The following ZNF221 variants were observed in gnomAD, a reference collection of about 807,000 sequenced individuals.
The protein encoded by ZNF221 is zinc finger protein 221.
In ZNF221, 10 loss-of-function variants were observed where a neutral mutation model predicts 12.6. The observed-to-expected ratio is 0.79, with a 90% CI of 0.49 to 1.34. The LOEUF (loss-of-function observed/expected upper bound fraction) is 1.34, where lower values mean the gene tolerates loss of function less well. Among genes scored for constraint, ZNF221 ranks in the 40% most tolerant of loss-of-function variants. The pLI is 0.00. For missense variants in ZNF221, 661 were observed against 721.4 expected (o/e 0.92, Z 0.96); for synonymous variants, 232 against 244.0 (o/e 0.95, Z 0.46).
downstream of ZNF221, among the ~76,000 whole-genome samples, chr19:43,972,183 G>A (rs1183992760): frequency 6.6e-6 from 1 of 151,902 alleles, no homozygotes; most frequent in African/African-American, 2.4e-5. Context: ...ATGACTCCTG[G>A]GTAAATACTG....
intron 1 of ZNF221, among the ~76,000 whole-genome samples, chr19:43,953,257 C>CTTTTTTTTTTTTTTTTTT (rs60450738): frequency 7.0e-6 from 1 of 142,298 alleles, no homozygotes; most frequent in Non-Finnish European, 1.6e-5. Flanking sequence ...AGTCATTAAG[C>CTTTTTTTTTTTTTTTTTT]TTTTTTTTTT....
intron 4 of ZNF221, 101 bp downstream of exon 4, chr19:43,965,426 C>T: frequency 1.1e-6 from 1 of 937,880 alleles, no homozygotes; most frequent in Non-Finnish European, 1.5e-6. Context: ...TGCCAAACTT[C>T]TTTCATAACT....
chr19:43,956,335 A>G (rs1235887855), intron 1 of ZNF221, among the ~76,000 whole-genome samples: 1 of 152,236 alleles, frequency 6.6e-6, no homozygotes, highest in African/African-American at 2.4e-5. Flanking sequence ...TTCCCTAGTC[A>G]GATACAATGT....
rs1273978751 is a variant in ZNF221, at chr19:43,966,868, G to A, written c.1366G>A (p.Gly456Ser). Residue 456 changes from glycine to serine, a missense_variant, in exon 5 of 5, where the codon GGT becomes AGT. Gly to Ser is a moderately conservative substitution (Grantham distance 56, BLOSUM62 0). Transcript: ENST00000587682. Reference protein sequence around the residue: ...GEKPYNCEECGKDYKRRLDLE... With the variant: ...GEKPYNCEECSKDYKRRLDLE... ...AAAGCCATATAACTGTGAGGAGTGT[G>A]GTAAGGACTATAAAAGGAGGTTGGA... 6.2e-7 allele frequency: 1 copy of A among 1,614,194 alleles called. No homozygotes were observed. The highest frequency in any genetic ancestry group is 8.5e-7 in the Non-Finnish European group (1 of 1,180,040).
chr19:43,953,261 T>A (rs1461761582), intron 1 of ZNF221, among the ~76,000 whole-genome samples: 4 of 151,814 alleles, frequency 2.6e-5, no homozygotes, highest in Non-Finnish European at 5.9e-5. Context: ...ATTAAGCTTT[T>A]TTTTTTTTTT....
the ZNF221 span, among the ~76,000 whole-genome samples, chr19:43,977,894 G>T: frequency 1.3e-5 from 2 of 152,172 alleles, no homozygotes; most frequent in African/African-American, 4.8e-5. Context: ...TAAAATAACT[G>T]AGACTATAGT....
intron 1 of ZNF221, among the ~76,000 whole-genome samples, 171 bp downstream of exon 1, chr19:43,951,571 G>A (rs1267300268): frequency 6.6e-6 from 1 of 152,162 alleles, no homozygotes; most frequent in Non-Finnish European, 1.5e-5. Context: ...GCGCGGGGCC[G>A]ATTCCCCCGG....
the ZNF221 span, among the ~76,000 whole-genome samples, chr19:43,978,933 G>A: frequency 7.0e-6 from 1 of 141,940 alleles, no homozygotes; most frequent in African/African-American, 2.7e-5. Context: ...GTGTGTGTGT[G>A]TTTTTTTTTT....
At chr19:43,964,163 A>G (rs1336063459) in intron 2 of ZNF221, among the ~76,000 whole-genome samples, 1 of 152,198 alleles carries the variant, frequency 6.6e-6, no homozygotes, top group African/African-American at 2.4e-5. Flanking sequence ...AATAAATAAC[A>G]ATAATGACAG....
chr19:43,981,545 A>G, the ZNF221 span, among the ~76,000 whole-genome samples: 4 of 152,350 alleles, frequency 2.6e-5, no homozygotes, highest in African/African-American at 7.2e-5. Flanking sequence ...CATAAATTGC[A>G]GCACTGTTAT....
chr19:43,953,632 T>G (rs1974709826), intron 1 of ZNF221, among the ~76,000 whole-genome samples: 1 of 152,180 alleles, frequency 6.6e-6, no homozygotes. Context: ...ACCTAGGGGT[T>G]GCCAGCCATC....
intron 1 of ZNF221, among the ~76,000 whole-genome samples, chr19:43,959,690 C>T (rs1015483393): frequency 1.3e-5 from 2 of 152,178 alleles, no homozygotes; most frequent in African/African-American, 4.8e-5. Context: ...GTGAAAGCTC[C>T]CTGAGGCCTC....
At chr19:43,978,933 GTTTTTTTT>G in the ZNF221 span, among the ~76,000 whole-genome samples, 5 of 141,950 alleles carry the variant, frequency 3.5e-5, no homozygotes, top group African/African-American at 1.1e-4. Context: ...GTGTGTGTGT[GTTTTTTTT>G]TTTTTTTTTT....
Position 43,966,343 on chromosome 19 carries a change from C to A in ZNF221, c.841C>A (p.Pro281Thr), listed in dbSNP as rs199825129. Reference sequence around the variant, plus strand: ...TTGCAAATTGCACACAGGAGAGAAACCTTATAATTGTGAGGAATGTGGGAA... The same window carrying A: ...TTGCAAATTGCACACAGGAGAGAAAACTTATAATTGTGAGGAATGTGGGAA... ...VHCKLHTGEK[P>T]YNCEECGKAF... The change falls in exon 5 of 5, where the codon CCT becomes ACT. Residue 281 changes from proline to threonine, a missense_variant. Transcript: ENST00000587682. 6.2e-7 allele frequency: 1 copy of A among 1,614,108 alleles called. No individual in the cohort carries two copies. The highest frequency in any genetic ancestry group is 1.3e-5 in the African/African-American group (1 of 75,006).
At chr19:43,958,426 C>T (rs1974792157) in intron 1 of ZNF221, among the ~76,000 whole-genome samples, 1 of 152,162 alleles carries the variant, frequency 6.6e-6, no homozygotes, top group South Asian at 2.1e-4. Flanking sequence ...GGGTATCCCA[C>T]CGAGCATTTA....
intron 1 of ZNF221, among the ~76,000 whole-genome samples, chr19:43,956,057 T>G (rs910400103): frequency 1.3e-5 from 2 of 152,144 alleles, no homozygotes; most frequent in Non-Finnish European, 2.9e-5. Context: ...CATAGTGGGG[T>G]AGTAAATACT....
rs575053481 is a variant in ZNF221 at position 43,959,052 on chromosome 19, T to G, written c.-2-3673T>G. On this transcript the variant is annotated intron_variant, in intron 1 of 4. Coordinates refer to ENST00000587682, the MANE Select transcript of ZNF221 (RefSeq NM_001297588.2). ...GTGTTTACCGTCTGTAATTGTTGCA[T>G]CATGTATCACCATCTGTAATTGTTT... Among the ~76,000 whole-genome samples the G allele has an allele frequency of 2.0e-4, 30 of 152,192 alleles. No individual in the cohort carries two copies. In the East Asian group the frequency reaches 2.3e-3, roughly 12 times the overall value.
intron 1 of ZNF221, among the ~76,000 whole-genome samples, chr19:43,953,257 C>CTTT (rs60450738): frequency 7.0e-6 from 1 of 142,290 alleles, no homozygotes; most frequent in South Asian, 2.3e-4. Context: ...AGTCATTAAG[C>CTTT]TTTTTTTTTT....
chr19:43,979,934 G>A, the ZNF221 span, among the ~76,000 whole-genome samples: 1 of 152,176 alleles, frequency 6.6e-6, no homozygotes, highest in Non-Finnish European at 1.5e-5. Context: ...ACGACATGGT[G>A]ATAAATATAT....
Sources: allele counts gnomAD v4.1 joint callset (sites outside exome capture counted in the v4.1 genomes callset), GRCh38; gene constraint gnomAD v4.1.1; transcripts MANE v1.5; gene names NCBI Gene and HGNC (gene_info 2026-07-23, HGNC 2026-07-21).